TENM2: variants seen among roughly 807,000 people sequenced by gnomAD.
TENM2 encodes teneurin-2.
TENM2 carries 52 observed loss-of-function variants against 245.2 expected under a neutral mutation model. The ratio of observed to expected loss-of-function variants is 0.21; its 90% confidence interval spans 0.17 to 0.27. The LOEUF is 0.27. Among genes scored for constraint, TENM2 ranks in the 10% least tolerant of loss-of-function variants. TENM2 has a pLI of 1.00. For missense variants in TENM2, 3,046 were observed against 3,666.8 expected, an observed-to-expected ratio of 0.83 and a Z score of 4.37; for synonymous variants, 1,363 against 1,438.9, an observed-to-expected ratio of 0.95 and a Z score of 1.19.
chr5:167,745,933 A>G (rs79067689), intron 2 of TENM2, among the ~76,000 whole-genome samples: 5,004 of 152,334 alleles, frequency 0.033, 123 homozygotes, highest in Middle Eastern at 0.051. Flanking sequence ...TTATGATGCC[A>G]TGGACATTCA....
chr5:167,607,669 T>C (rs981049592), intron 2 of TENM2, among the ~76,000 whole-genome samples: 2 of 152,202 alleles, frequency 1.3e-5, no homozygotes, highest in Admixed American at 1.3e-4. Context: ...CTTATTTCCT[T>C]TTACTGAATT....
At chr5:168,217,743 G>A (rs189391342) in intron 22 of TENM2, among the ~76,000 whole-genome samples, 103 of 152,212 alleles carry the variant, frequency 6.8e-4, no homozygotes, top group East Asian at 2.1e-3. Context: ...CATAGCTTCC[G>A]TAGGCGTCTG....
chr5:167,919,445 G>A lies in TENM2; in HGVS notation c.713-33143G>A, dbSNP rs1024101111. ...CTAGTGCCTATGAATAAATAAATCT[G>A]ATTTACATAGAGGACTATTGTGGTA... On this transcript the variant is annotated intron_variant, in intron 3 of 28. Coordinates refer to ENST00000518659, the Ensembl canonical transcript of TENM2. Among the ~76,000 whole-genome samples, 92 of 152,200 alleles carry A rather than the reference G, an allele frequency of 6.0e-4. 4 individuals are homozygous for A. The highest frequency in any genetic ancestry group is 1.5e-4 in the Non-Finnish European group (10 of 68,040).
At chr5:167,748,475 C>T (rs577520383) in intron 2 of TENM2, among the ~76,000 whole-genome samples, 3 of 152,148 alleles carry the variant, frequency 2.0e-5, no homozygotes, top group South Asian at 4.1e-4. Context: ...ACCTCCTTGG[C>T]TCAAGGAATC....
chr5:167,367,014 C>T (rs949919960), intron 1 of TENM2, among the ~76,000 whole-genome samples: 7 of 152,134 alleles, frequency 4.6e-5, no homozygotes, highest in African/African-American at 1.7e-4. Flanking sequence ...CAGCAGAACC[C>T]TTTTGTTGTG....
intron 2 of TENM2, among the ~76,000 whole-genome samples, chr5:167,653,040 A>AT (rs1211566838): frequency 6.6e-6 from 1 of 151,924 alleles, no homozygotes; most frequent in East Asian, 1.9e-4. Context: ...TCATCTCTTT[A>AT]TTTTTTTCAG....
At chr5:167,451,377 G>C (rs1765574120) in intron 2 of TENM2, among the ~76,000 whole-genome samples, 1 of 152,072 alleles carries the variant, frequency 6.6e-6, no homozygotes. Flanking sequence ...CGATGCAAAG[G>C]GTCTTTGTCT....
chr5:167,696,304 C>T (rs1348039307), intron 2 of TENM2, among the ~76,000 whole-genome samples: 2 of 152,004 alleles, frequency 1.3e-5, no homozygotes, highest in Admixed American at 6.6e-5. Flanking sequence ...TAAAAAGAGC[C>T]CCTGATGAAA....
chr5:168,150,376 C>G (rs1283809806), intron 12 of TENM2, among the ~76,000 whole-genome samples: 4 of 152,228 alleles, frequency 2.6e-5, no homozygotes, highest in Non-Finnish European at 4.4e-5. Flanking sequence ...ACACTGAACT[C>G]AAGGATTAGG....
rs927788925 is a variant in TENM2, at chr5:167,285,183, A to T, written c.226+120A>T. 4.2e-6 allele frequency: 3 copies of T among 714,134 alleles called. No homozygotes were observed. In the African/African-American group the frequency reaches 5.3e-5, roughly 13 times the overall value. The allele number at this position is 714,134 out of a possible 1,614,324, so 44.2% of individuals were successfully genotyped here. ...TTTTGACAGATGTACCCTACAGCAGACCCTTGGTTCCATAAAGGACATTCC... is the reference window on the plus strand; with the variant it reads ...TTTTGACAGATGTACCCTACAGCAGTCCCTTGGTTCCATAAAGGACATTCC... On this transcript the variant is annotated intron_variant, in intron 1 of 28. Transcript: ENST00000518659.
the TENM2 span, among the ~76,000 whole-genome samples, chr5:167,067,441 C>G: frequency 6.6e-6 from 1 of 151,948 alleles, no homozygotes; most frequent in Non-Finnish European, 1.5e-5. Context: ...CAAAGCCATG[C>G]CAACATTTGA....
chr5:167,062,570 G>T, the TENM2 span, among the ~76,000 whole-genome samples: 2 of 151,866 alleles, frequency 1.3e-5, no homozygotes, highest in Admixed American at 1.3e-4. Flanking sequence ...AACTATTTTT[G>T]ATTCATTAAT....
the TENM2 span, among the ~76,000 whole-genome samples, chr5:167,235,282 AC>A: frequency 1.2e-4 from 19 of 152,106 alleles, no homozygotes; most frequent in South Asian, 3.7e-3. Flanking sequence ...CTCTTTAAAC[AC>A]CTGTCTCCAA....
intron 23 of TENM2, among the ~76,000 whole-genome samples, chr5:168,225,819 GT>G (rs1418454992): frequency 6.6e-6 from 1 of 151,894 alleles, no homozygotes; most frequent in Admixed American, 6.6e-5. Flanking sequence ...ACAAGTGGCT[GT>G]TTTCTCTAAC....
intron 2 of TENM2, among the ~76,000 whole-genome samples, chr5:167,828,723 C>T (rs1017243022): frequency 3.3e-5 from 5 of 151,878 alleles, no homozygotes; most frequent in Non-Finnish European, 5.9e-5. Flanking sequence ...AAGGGTAATC[C>T]TCTTTAGGAA....
At chr5:167,862,911 G>C (rs186779079) in intron 2 of TENM2, among the ~76,000 whole-genome samples, 203 of 152,210 alleles carry the variant, frequency 1.3e-3, no homozygotes, top group Admixed American at 3.2e-3. Context: ...GCTGCAGACT[G>C]TCTAGTCATC....
At chr5:168,174,085 TC>T (rs1332322030) in intron 13 of TENM2, among the ~76,000 whole-genome samples, 4 of 152,098 alleles carry the variant, frequency 2.6e-5, no homozygotes, top group Non-Finnish European at 5.9e-5. Context: ...TGTTTGTGCC[TC>T]CCATCAACAT....
chr5:167,092,039 G>GA, the TENM2 span, among the ~76,000 whole-genome samples: 1 of 152,156 alleles, frequency 6.6e-6, no homozygotes, highest in Admixed American at 6.6e-5. Context: ...GCCTCAGACA[G>GA]AGGCCACATA....
intron 27 of TENM2, among the ~76,000 whole-genome samples, chr5:168,258,194 T>C (rs940742923): frequency 1.3e-5 from 2 of 152,154 alleles, no homozygotes; most frequent in African/African-American, 4.8e-5. Context: ...AGCAGCATTA[T>C]TCATAATAGT....
Sources: gnomAD v4.1 joint callset for allele counts (sites outside exome capture counted in the v4.1 genomes callset) on GRCh38, gnomAD v4.1.1 for gene constraint, MANE v1.5 for transcripts, NCBI Gene and HGNC (gene_info 2026-07-23, HGNC 2026-07-21) for gene names.